PLPPR5: variants seen among roughly 807,000 people sequenced by gnomAD.
The protein encoded by PLPPR5 is phospholipid phosphatase related 5.
A neutral mutation model predicts 33.9 loss-of-function variants in PLPPR5; 16 were observed. That is an observed-to-expected ratio of 0.47 (90% CI 0.32 to 0.72). The LOEUF (loss-of-function observed/expected upper bound fraction) is 0.72. PLPPR5 is among the 30% of genes least tolerant of loss of function. The pLI is 0.03. For synonymous variants in PLPPR5, 163 were observed against 150.3 expected (o/e 1.08, Z -0.62); for missense variants, 301 against 406.7 (o/e 0.74, Z 2.23).
At chr1:98,958,833 A>G (rs1414920941) in intron 1 of PLPPR5, among the ~76,000 whole-genome samples, 1 of 152,016 alleles carries the variant, frequency 6.6e-6, no homozygotes, top group Non-Finnish European at 1.5e-5. Flanking sequence ...CTAACAATGC[A>G]TCATCCACTC....
At chr1:98,997,656 A>T (rs1652678466) in intron 1 of PLPPR5, among the ~76,000 whole-genome samples, 1 of 152,104 alleles carries the variant, frequency 6.6e-6, no homozygotes, top group African/African-American at 2.4e-5. Context: ...GAAAATCAGG[A>T]AAAAAAGTAT....
At position 98,956,723 on chromosome 1, in the gene PLPPR5, C is replaced by T. The variant is rs1372228497; in HGVS notation, c.256G>A (p.Ala86Thr). 9 of 1,567,768 alleles carry T rather than the reference C, an allele frequency of 5.7e-6. No individual in the cohort carries two copies. The highest frequency in any genetic ancestry group is 7.7e-6 in the Non-Finnish European group (9 of 1,161,890). The part of the protein sequence containing the change: ...PVLVIIVGET[A>T]VFCLQLATRD... ...GTGGCTAGTTGTAGGCAAAAGACAG[C>T]AGTTTCTCCAACTATTATCTTGAAA... The change falls in exon 2 of 6, where the codon GCT becomes ACT. Residue 86 changes from alanine to threonine, a missense_variant. Coordinates refer to ENST00000263177, the MANE Select transcript of PLPPR5 (RefSeq NM_001037317.2).
In PLPPR5 at chr1:98,979,828, T is replaced by A. The variant is rs75889757; in HGVS notation, c.238-23087A>T. Among the ~76,000 whole-genome samples, 805 of 152,142 alleles carry A rather than the reference T, an allele frequency of 5.3e-3. 11 individuals are homozygous for A. The highest frequency in any genetic ancestry group is 0.018 in the African/African-American group (764 of 41,552). On this transcript the variant is annotated intron_variant, in intron 1 of 5. Transcript: ENST00000263177. The stretch of plus-strand genomic sequence containing the variant: ...TGCCTCATCTTACTAAGGTATCTTT[T>A]CTCAAATTCACCACATCTTTGCTTC...
chr1:98,945,219 A>T (rs943797864), intron 3 of PLPPR5, among the ~76,000 whole-genome samples: 3 of 152,254 alleles, frequency 2.0e-5, no homozygotes, highest in African/African-American at 7.2e-5. Flanking sequence ...AAATTATAAA[A>T]TATGCATTCA....
chr1:98,892,948 A>T lies in PLPPR5; in HGVS notation c.*124T>A. ...AAACAGATAGGTTGACATTGATTTTAAAATTATAAAAATTATTAAACAACT... is the reference window on the plus strand; with the variant it reads ...AAACAGATAGGTTGACATTGATTTTTAAATTATAAAAATTATTAAACAACT... On this transcript the variant is annotated 3_prime_UTR_variant, in exon 6 of 6. Coordinates refer to ENST00000263177, the MANE Select transcript of PLPPR5 (RefSeq NM_001037317.2). 1.1e-6 allele frequency: 1 copy of T among 946,500 alleles called. No individual in the cohort carries two copies. Among genetic ancestry groups the T allele is most frequent in the Non-Finnish European group, 1.6e-6 (1 of 620,780 alleles). 58.6% of individuals were successfully genotyped at this position (946,500 alleles called of 1,614,324 possible). A position where few individuals can be genotyped will look rare whatever the true frequency, so the allele number is the denominator to read the frequency against.
chr1:98,903,203 A>G (rs535031470), intron 5 of PLPPR5, among the ~76,000 whole-genome samples: 1 of 152,292 alleles, frequency 6.6e-6, no homozygotes, highest in African/African-American at 2.4e-5. Flanking sequence ...TATTTTTAAT[A>G]AATGCTCAAA....
chr1:98,929,026 A>G (rs6686871), intron 3 of PLPPR5, among the ~76,000 whole-genome samples: 110,151 of 151,860 alleles, frequency 0.73, 40,325 homozygotes, highest in East Asian at 0.8. Context: ...TTAGAGACTT[A>G]GGAGATTCCG....
At chr1:98,912,354 G>GTAGT (rs1465272514) in intron 5 of PLPPR5, among the ~76,000 whole-genome samples, 1 of 152,194 alleles carries the variant, frequency 6.6e-6, no homozygotes. Context: ...AGAGGAGAAA[G>GTAGT]TAGTTCACTT....
chr1:98,963,760 C>T (rs969196709), intron 1 of PLPPR5, among the ~76,000 whole-genome samples: 5 of 152,148 alleles, frequency 3.3e-5, no homozygotes, highest in Non-Finnish European at 7.4e-5. Flanking sequence ...GGAGATAGGG[C>T]ACAAAGCACC....
At chr1:98,951,691 A>G (rs1314466302) in intron 3 of PLPPR5, among the ~76,000 whole-genome samples, 3 of 152,180 alleles carry the variant, frequency 2.0e-5, no homozygotes, top group African/African-American at 7.2e-5. Flanking sequence ...TTGTCCTTTT[A>G]TTCAGTAATC....
intron 1 of PLPPR5, among the ~76,000 whole-genome samples, chr1:98,978,774 G>A (rs1479293176): frequency 2.6e-5 from 4 of 151,958 alleles, no homozygotes; most frequent in African/African-American, 9.7e-5. Flanking sequence ...TCTATACAAT[G>A]AACACATATC....
At chr1:98,979,541 C>T (rs570847908) in intron 1 of PLPPR5, among the ~76,000 whole-genome samples, 1 of 152,170 alleles carries the variant, frequency 6.6e-6, no homozygotes, top group African/African-American at 2.4e-5. Flanking sequence ...TCTGTATTAG[C>T]AAATGTAAGG....
intron 5 of PLPPR5, among the ~76,000 whole-genome samples, chr1:98,905,806 CT>C (rs1230296552): frequency 1.3e-5 from 2 of 152,012 alleles, no homozygotes; most frequent in Admixed American, 6.6e-5. Flanking sequence ...ATTTTCTGTA[CT>C]TTTTTTGTGA....
At chr1:98,992,017 TATC>T (rs974470602) in intron 1 of PLPPR5, among the ~76,000 whole-genome samples, 20 of 152,204 alleles carry the variant, frequency 1.3e-4, no homozygotes, top group African/African-American at 4.6e-4. Context: ...GGTACCCTTT[TATC>T]TTATGCAGAA....
intron 1 of PLPPR5, among the ~76,000 whole-genome samples, chr1:98,986,490 G>A (rs978396421): frequency 6.6e-6 from 1 of 151,734 alleles, no homozygotes; most frequent in African/African-American, 2.4e-5. Flanking sequence ...CTGGATGTGA[G>A]AAAAGTAAGG....
rs142381593 is a variant in PLPPR5, at chr1:98,934,483, C to G, written c.622-12425G>C. 9.4e-3 allele frequency among the ~76,000 whole-genome samples: 1,434 copies of G among 152,250 alleles called. 14 individuals are homozygous for G. The highest frequency in any genetic ancestry group is 0.016 in the Non-Finnish European group (1,079 of 68,000). On this transcript the variant is annotated intron_variant, in intron 3 of 5. Coordinates refer to ENST00000263177, the MANE Select transcript of PLPPR5 (RefSeq NM_001037317.2). Reference sequence around the variant, plus strand: ...CAGAATACATTCATTCATTCCCACACTCATTTATCCAGTTTCAAATACTAT... The same window carrying G: ...CAGAATACATTCATTCATTCCCACAGTCATTTATCCAGTTTCAAATACTAT...
chr1:98,892,362 A>G lies in PLPPR5; in HGVS notation c.*710T>C, dbSNP rs1226802387. On this transcript the variant is annotated 3_prime_UTR_variant, in exon 6 of 6. Coordinates refer to ENST00000263177, the MANE Select transcript of PLPPR5 (RefSeq NM_001037317.2). ...TGAATTAAGCCACAATTGTCAGGAG[A>G]AGAAGTCCAAATAAATAATTTTTAA... 1 of 152,520 alleles carries G rather than the reference A, an allele frequency of 6.6e-6. No homozygotes were observed. Among genetic ancestry groups the G allele is most frequent in the Non-Finnish European group, 1.5e-5 (1 of 68,008 alleles). 9.4% of individuals were successfully genotyped at this position (152,520 alleles called of 1,614,324 possible).
intron 3 of PLPPR5, among the ~76,000 whole-genome samples, chr1:98,932,783 A>G (rs1457609280): frequency 6.6e-6 from 1 of 152,198 alleles, no homozygotes; most frequent in Non-Finnish European, 1.5e-5. Flanking sequence ...ATAGCATCAG[A>G]GGATCTGAGT....
At chr1:98,907,899 G>A (rs1648966705) in intron 5 of PLPPR5, among the ~76,000 whole-genome samples, 1 of 152,150 alleles carries the variant, frequency 6.6e-6, no homozygotes, top group Non-Finnish European at 1.5e-5. Flanking sequence ...TGCAATCCTT[G>A]GAGGCAGCTT....
Sources: allele counts gnomAD v4.1 joint callset (sites outside exome capture counted in the v4.1 genomes callset), GRCh38; gene constraint gnomAD v4.1.1; transcripts MANE v1.5; gene names NCBI Gene and HGNC (gene_info 2026-07-23, HGNC 2026-07-21).